Variants in MYH1 observed in about 807,000 individuals in gnomAD.
MYH1 encodes the protein myosin-1.
MYH1 carries 214 observed loss-of-function variants against 225.6 expected under a neutral mutation model. That is an observed-to-expected ratio of 0.95 (90% CI 0.85 to 1.06). The LOEUF (loss-of-function observed/expected upper bound fraction) is 1.06. MYH1 is among the 50% of genes least tolerant of loss of function. The pLI is 0.00. For missense variants in MYH1, 2,098 were observed against 2,344.2 expected, an observed-to-expected ratio of 0.89 and a Z score of 2.17; for synonymous variants, 774 against 842.3, an observed-to-expected ratio of 0.92 and a Z score of 1.40.
At chr17:10,517,282 G>C (rs2073238449) in intron 2 of MYH1, among the ~76,000 whole-genome samples, 1 of 152,162 alleles carries the variant, frequency 6.6e-6, no homozygotes, top group South Asian at 2.1e-4. Context: ...ATACAGGAAA[G>C]CAGAAATGTG....
intron 6 of MYH1, 125 bp downstream of exon 6, chr17:10,514,743 C>A (rs1567723304): frequency 4.8e-6 from 4 of 834,422 alleles, no homozygotes; most frequent in South Asian, 4.3e-5. Flanking sequence ...AAAGCTAAAC[C>A]AATATCTAGT....
intron 2 of MYH1, 27 bp downstream of exon 2, chr17:10,518,213 T>C (rs1413916164): frequency 6.7e-6 from 1 of 150,088 alleles, no homozygotes; most frequent in Non-Finnish European, 1.5e-5. Flanking sequence ...CTGTGAGGAA[T>C]GAGAAAAAAA....
rs745974757 is a variant in MYH1, at chr17:10,516,049, G to A, written c.382C>T (p.Pro128Ser). Residue 128 changes from proline to serine, a missense_variant, in exon 5 of 40, where the codon CCC (proline) becomes TCC (serine). By Grantham distance (74) the Pro-to-Ser change is moderately conservative. Transcript: ENST00000226207. ...TTATACACTGGCAACCACTTGTAGG[G>A]GTTGACAGTGACACAGAACAAGCCT... ...YSGLFCVTVN[P>S]YKWLPVYNAE... 1.2e-6 allele frequency: 2 copies of A among 1,614,124 alleles called. No homozygotes were observed. Among genetic ancestry groups the A allele is most frequent in the South Asian group, 1.1e-5 (1 of 91,076 alleles).
At chr17:10,502,067 C>T (rs964709221) in intron 24 of MYH1, among the ~76,000 whole-genome samples, 156 bp from the exon 25 acceptor site, 3 of 152,176 alleles carry the variant, frequency 2.0e-5, no homozygotes, top group Admixed American at 6.5e-5. Context: ...TTTACCTAGT[C>T]GAAAAAGTCA....
intron 2 of MYH1, 87 bp from the exon 3 acceptor site, chr17:10,516,769 C>A (rs2073234473): frequency 1.8e-6 from 2 of 1,133,776 alleles, no homozygotes; most frequent in Non-Finnish European, 2.5e-6. Flanking sequence ...ATTTACTGAC[C>A]AATTGAGTGC....
rs2073070358 is a variant in MYH1, at chr17:10,502,679, A to G, written c.3111+59T>C. 4 of 1,612,330 alleles carry G rather than the reference A, an allele frequency of 2.5e-6. No homozygotes were observed. The East Asian group carries it at 8.9e-5, about 36-fold the overall frequency. On this transcript the variant is annotated intron_variant, in intron 24 of 39. Coordinates refer to ENST00000226207, the MANE Select transcript of MYH1 (RefSeq NM_005963.4). ...CACTATATCATAACGACACAAACTT[A>G]TGCTTACTTAGTTTGTTACAAAATT...
intron 15 of MYH1, 64 bp from the exon 16 acceptor site, chr17:10,508,736 C>A: frequency 6.4e-7 from 1 of 1,559,338 alleles, no homozygotes; most frequent in Non-Finnish European, 8.7e-7. Context: ...TAACATTTAA[C>A]ATTAATAATT....
intron 5 of MYH1, among the ~76,000 whole-genome samples, chr17:10,515,183 A>G (rs1308970622): frequency 6.6e-6 from 1 of 152,228 alleles, no homozygotes; most frequent in Non-Finnish European, 1.5e-5. Context: ...CTATTATTTA[A>G]TAGATTGAAA....
intron 3 of MYH1, 22 bp downstream of exon 3, chr17:10,516,417 A>T (rs1458337227): frequency 1.2e-6 from 2 of 1,614,242 alleles, no homozygotes; most frequent in Admixed American, 3.3e-5. Context: ...GAGTCTAATC[A>T]GCTCCAGGTG....
intron 27 of MYH1, 86 bp downstream of exon 27, chr17:10,501,024 C>G (rs2073048564): frequency 6.4e-7 from 1 of 1,566,944 alleles, no homozygotes; most frequent in Admixed American, 1.8e-5. Flanking sequence ...TGATTTAGTT[C>G]ATGAGACGTT....
At chr17:10,516,168 C>G in intron 4 of MYH1, 31 bp downstream of exon 4, 2 of 1,613,790 alleles carry the variant, frequency 1.2e-6, no homozygotes, top group Non-Finnish European at 1.7e-6. Context: ...TAACTACTCT[C>G]ATGAGTAGAA....
chr17:10,497,987 A>T (rs926398247), intron 30 of MYH1, 70 bp from the exon 31 acceptor site: 2 of 1,400,410 alleles, frequency 1.4e-6, no homozygotes, highest in Non-Finnish European at 9.7e-7. Context: ...GGTACAAGAG[A>T]GTGAATTCCA....
intron 19 of MYH1, 104 bp downstream of exon 19, chr17:10,505,708 T>C: frequency 4.7e-6 from 7 of 1,489,040 alleles, no homozygotes; most frequent in African/African-American, 1.4e-5. Context: ...AGTGAGTTTA[T>C]CTTCTCTTCA....
chr17:10,507,692 G>T (rs2073126771), intron 17 of MYH1, among the ~76,000 whole-genome samples, 194 bp downstream of exon 17: 1 of 151,944 alleles, frequency 6.6e-6, no homozygotes, highest in African/African-American at 2.4e-5. Flanking sequence ...TGAATAGTGA[G>T]GTATCTCTTC....
rs2073095505 is a variant in MYH1 at position 10,505,020 on chromosome 17, A to G, written c.2481T>C (p.Asn827=). The G allele has an allele frequency of 1.2e-6, 2 of 1,614,094 alleles. No individual in the cohort carries two copies. The highest frequency in any genetic ancestry group is 1.6e-4 in the Middle Eastern group (1 of 6,084). Residue 827 remains asparagine (N), a synonymous_variant, in exon 22 of 40, where the codon AAT becomes AAC. Transcript: ENST00000226207. ...CIQYNVRAFM[N]VKHWPWMKLY... ...GCTTCATCCAGGGCCAGTGCTTCAC[A>G]TTCATGAAGGCACGGACATTGTACT...
rs371584505 is a variant in MYH1, at chr17:10,500,645, C to T, written c.3846G>A (p.Ala1282=). The T allele has an allele frequency of 1.0e-4, 169 of 1,613,500 alleles. No homozygotes were observed. The highest frequency in any genetic ancestry group is 2.3e-4 in the Admixed American group (14 of 59,982). Residue 1282 remains alanine (A), a synonymous_variant, in exon 28 of 40, where the codon GCG becomes GCA. Coordinates refer to ENST00000226207, the MANE Select transcript of MYH1 (RefSeq NM_005963.4). ...GCCCACCTGATTCTGTTTGCAGGCG[C>T]GCTCTCTGTGCTGTGAGGTCATTGA... ...RLINDLTAQR[A]RLQTESGEYS... is the part of the protein sequence containing the mutation.
chr17:10,512,615 A>G, intron 11 of MYH1, 66 bp downstream of exon 11: 1 of 1,611,494 alleles, frequency 6.2e-7, no homozygotes, highest in Non-Finnish European at 8.5e-7. Flanking sequence ...TTACACACAT[A>G]TAGATGGCTG....
chr17:10,515,999 T>G lies in MYH1; in HGVS notation c.432A>C (p.Arg144=). The G allele has an allele frequency of 6.2e-7, 1 of 1,614,154 alleles. No individual in the cohort carries two copies. The highest frequency in any genetic ancestry group is 8.5e-7 in the Non-Finnish European group (1 of 1,180,016). The change falls in exon 5 of 40, where the codon CGA becomes CGC. Residue 144 remains arginine, a synonymous_variant. Transcript: ENST00000226207. The part of the protein sequence containing the change: ...VYNAEVVTAY[R]GKKRQEAPPH... ...GTGGGGCCTCCTGGCGCTTTTTGCC[T>G]CGGTAGGCTGTCACCACCTCTGCAT...
At position 10,505,868 on chromosome 17, in the gene MYH1, G is replaced by A. The variant is rs1013449462; in HGVS notation, c.2118C>T (p.Ile706=). 1.9e-6 allele frequency: 3 copies of A among 1,614,004 alleles called. No homozygotes were observed. The African/African-American group carries it at 4.0e-5, about 22-fold the overall frequency. The change falls in exon 19 of 40, where the codon ATC becomes ATT. Residue 706 remains isoleucine (I), a synonymous_variant. Coordinates refer to ENST00000226207, the MANE Select transcript of MYH1 (RefSeq NM_005963.4). ...TTGGGAAGCCTTTCCTGCAGATGCG[G>A]ATGCCTTCCAGCACACCGTTACACC... ...QLRCNGVLEG[I]RICRKGFPSR...
Sources: allele counts gnomAD v4.1 joint callset (sites outside exome capture counted in the v4.1 genomes callset), GRCh38; gene constraint gnomAD v4.1.1; transcripts MANE v1.5; gene names NCBI Gene and HGNC (gene_info 2026-07-23, HGNC 2026-07-21).